ZNF141: variants seen among roughly 807,000 people sequenced by gnomAD.
ZNF141 encodes the protein zinc finger protein 141.
ZNF141 carries 7 observed loss-of-function variants against 11.3 expected under a neutral mutation model. That is an observed-to-expected ratio of 0.62 (90% CI 0.35 to 1.16). The LOEUF (loss-of-function observed/expected upper bound fraction) is 1.16, where lower values mean the gene tolerates loss of function less well. Ranked by LOEUF, ZNF141 falls within the 50% of genes most tolerant of loss-of-function variation. ZNF141 has a pLI of 0.02. For missense variants in ZNF141, 535 were observed against 554.0 expected (o/e 0.97, Z 0.34); for synonymous variants, 183 against 190.7 (o/e 0.96, Z 0.33).
rs782770713 is a variant in ZNF141, at chr4:373,074, A to G, written c.637A>G (p.Ile213Val). The change falls in exon 4 of 4, where the codon ATA (isoleucine) becomes GTA (valine). Residue 213 changes from isoleucine (I) to valine (V), a missense_variant. Physicochemically the swap from Ile to Val is conservative, Grantham distance 29 (BLOSUM62 3). Coordinates refer to ENST00000240499, the MANE Select transcript of ZNF141 (RefSeq NM_003441.4). Reference protein sequence around the residue: ...ECGKAFKWSLIFNEHKRIHTG... With the variant: ...ECGKAFKWSLVFNEHKRIHTG... ...TGGCAAAGCCTTTAAATGGTCTTTA[A>G]TATTTAATGAACATAAGAGAATTCA... is the stretch of plus-strand genomic sequence containing the variant. 1.7e-5 allele frequency: 27 copies of G among 1,613,724 alleles called. No homozygotes were observed. In the South Asian group the frequency reaches 2.7e-4, roughly 16 times the overall value.
At position 383,984 on chromosome 4, in the gene ZNF141, T is replaced by C. The variant is rs1712792684; in HGVS notation, c.*10122T>C. ...CTTGCTTTTGCTATTCCCTTCCTGT[T>C]TTTCATTCCTTTGTGTGCTTTGTTC... On this transcript the variant is annotated 3_prime_UTR_variant, in exon 4 of 4. Coordinates refer to ENST00000240499, the MANE Select transcript of ZNF141 (RefSeq NM_003441.4). 1 of 152,294 alleles carries C rather than the reference T, an allele frequency of 6.6e-6. No individual in the cohort carries two copies. Among genetic ancestry groups the C allele is most frequent in the African/African-American group, 2.4e-5 (1 of 41,458 alleles). 9.4% of individuals were successfully genotyped at this position (152,294 alleles called of 1,614,324 possible).
At chr4:361,920 A>G (rs1474481090) in intron 3 of ZNF141, among the ~76,000 whole-genome samples, 2 of 152,170 alleles carry the variant, frequency 1.3e-5, no homozygotes, top group Non-Finnish European at 2.9e-5. Context: ...GTCAAATGGT[A>G]TTTCTAGTTC....
chr4:372,673 C>G lies in ZNF141; in HGVS notation c.236C>G (p.Ser79Cys), dbSNP rs781893905. Residue 79 changes from serine (S) to cysteine (C), a missense_variant, in exon 4 of 4, where the codon TCT becomes TGT. Ser to Cys is a moderately radical substitution (Grantham distance 112). Transcript: ENST00000240499. ...TTTTTATTTCTTTCAGCTATGTGTT[C>G]TCATTTCACCCAAGACCATTGGCCA... Reference protein sequence around the residue: ...KIVARPPAMCSHFTQDHWPVQ... With the variant: ...KIVARPPAMCCHFTQDHWPVQ... The G allele has an allele frequency of 2.6e-6, 4 of 1,516,134 alleles. No homozygotes were observed. Among genetic ancestry groups the G allele is most frequent in the Non-Finnish European group, 3.5e-6 (4 of 1,130,842 alleles). The allele number at this position is 1,516,134 out of a possible 1,614,324, so 93.9% of individuals were successfully genotyped here.
At chr4:356,204 C>T (rs1281326688) in intron 3 of ZNF141, among the ~76,000 whole-genome samples, 2 of 148,542 alleles carry the variant, frequency 1.3e-5, no homozygotes, top group South Asian at 2.2e-4. Flanking sequence ...GCACTCCAGC[C>T]TGGGTGACAC....
chr4:350,824 C>G (rs1553850330), intron 3 of ZNF141, among the ~76,000 whole-genome samples: 1 of 152,040 alleles, frequency 6.6e-6, no homozygotes, highest in Non-Finnish European at 1.5e-5. Context: ...ACCGCAAGCT[C>G]CACCTCACGG....
intron 3 of ZNF141, chr4:358,201 T>A (rs1430622066): frequency 2.4e-6 from 1 of 408,664 alleles, no homozygotes; most frequent in African/African-American, 2.2e-5. Flanking sequence ...TTTTTTTTTT[T>A]TTAAAGATGG....
At position 379,541 on chromosome 4, in the gene ZNF141, A is replaced by G. The variant is rs1712523298; in HGVS notation, c.*5679A>G. 6.6e-6 allele frequency among the ~76,000 whole-genome samples: 1 copy of G among 151,926 alleles called. No homozygotes were observed. The highest frequency in any genetic ancestry group is 1.5e-5 in the Non-Finnish European group (1 of 67,986). On this transcript the variant is annotated 3_prime_UTR_variant, in exon 4 of 4. Transcript: ENST00000240499. ...AGGTGTGCACCACCATGCCTGGCTA[A>G]TTTTTATATTGTTAGTAGAGATGCG...
chr4:373,468 G>A lies in ZNF141; in HGVS notation c.1031G>A (p.Cys344Tyr), dbSNP rs781857740. The change falls in exon 4 of 4, where the codon TGT becomes TAT. Residue 344 changes from cysteine to tyrosine, a missense_variant. By Grantham distance (194) the Cys-to-Tyr change is radical (BLOSUM62 -2). Coordinates refer to ENST00000240499, the MANE Select transcript of ZNF141 (RefSeq NM_003441.4). Reference sequence around the variant, plus strand: ...GAGAAACCCTACACATGTGAAGAATGTGGCAAAGCTTTTAGACAGTCCTCA... The same window carrying A: ...GAGAAACCCTACACATGTGAAGAATATGGCAAAGCTTTTAGACAGTCCTCA... ...TGEKPYTCEE[C>Y]GKAFRQSSKL... The A allele has an allele frequency of 2.5e-6, 4 of 1,614,126 alleles. No homozygotes were observed. In the Admixed American group the frequency reaches 6.7e-5, roughly 27 times the overall value.
chr4:382,106 C>T lies in ZNF141; in HGVS notation c.*8244C>T, dbSNP rs772181325. On this transcript the variant is annotated 3_prime_UTR_variant, in exon 4 of 4. Coordinates refer to ENST00000240499, the MANE Select transcript of ZNF141 (RefSeq NM_003441.4). ...GACTACAGGCACCTGCTACCATGCCCGGCTAATTTTTTTGTATTTTTAGTA... is the reference window on the plus strand; with the variant it reads ...GACTACAGGCACCTGCTACCATGCCTGGCTAATTTTTTTGTATTTTTAGTA... Among the ~76,000 whole-genome samples the T allele has an allele frequency of 7.9e-5, 12 of 151,860 alleles. No homozygotes were observed. The highest frequency in any genetic ancestry group is 1.6e-4 in the Non-Finnish European group (11 of 67,998).
chr4:380,136 T>C lies in ZNF141; in HGVS notation c.*6274T>C, dbSNP rs1417514495. On this transcript the variant is annotated 3_prime_UTR_variant, in exon 4 of 4. Transcript: ENST00000240499. ...CTTAGCATAGTGTCTTCCACATTTATCCACATTGTTTCAAATGAAAAGATT... is the reference window on the plus strand; with the variant it reads ...CTTAGCATAGTGTCTTCCACATTTACCCACATTGTTTCAAATGAAAAGATT... Among the ~76,000 whole-genome samples the C allele has an allele frequency of 6.6e-5, 10 of 152,224 alleles. No homozygotes were observed. Among genetic ancestry groups the C allele is most frequent in the African/African-American group, 2.2e-4 (9 of 41,456 alleles).
intron 3 of ZNF141, among the ~76,000 whole-genome samples, chr4:357,411 T>A (rs1721893243): frequency 6.7e-6 from 1 of 149,208 alleles, no homozygotes; most frequent in African/African-American, 2.5e-5. Flanking sequence ...AGAGTGAGAC[T>A]CTGTCTCAAA....
In ZNF141 at chr4:382,407, C is replaced by T. The variant is rs775532518; in HGVS notation, c.*8545C>T. The stretch of plus-strand genomic sequence containing the variant: ...GCAGCCCTATTGCTATGTCACTTGC[C>T]TGCAGAGCAAAAGTTGATTCAGGAA... On this transcript the variant is annotated 3_prime_UTR_variant, in exon 4 of 4. Coordinates refer to ENST00000240499, the MANE Select transcript of ZNF141 (RefSeq NM_003441.4). 1.3e-5 allele frequency among the ~76,000 whole-genome samples: 2 copies of T among 152,152 alleles called. No individual in the cohort carries two copies. Among genetic ancestry groups the T allele is most frequent in the African/African-American group, 2.4e-5 (1 of 41,412 alleles).
chr4:381,400 C>CTTTTTTTTTTTTTTTT lies in ZNF141; in HGVS notation c.*7549_*7564dup, dbSNP rs34721227. ...CTATTTAATACAGACTTCAAATGTG[C>CTTTTTTTTTTTTTTTT]TTTTTTTTTTTTTTTTTTTTTTTTT... On this transcript the variant is annotated 3_prime_UTR_variant, in exon 4 of 4. Coordinates refer to ENST00000240499, the MANE Select transcript of ZNF141 (RefSeq NM_003441.4). Among the ~76,000 whole-genome samples the CTTTTTTTTTTTTTTTT allele has an allele frequency of 1.3e-5, 1 of 76,946 alleles. No individual in the cohort carries two copies. The highest frequency in any genetic ancestry group is 6.1e-5 in the African/African-American group (1 of 16,448). 50.5% of individuals were successfully genotyped at this position (76,946 alleles called of 152,430 possible). A position where few individuals can be genotyped will look rare whatever the true frequency, so the allele number is the denominator to read the frequency against.
In ZNF141 at chr4:375,263, T is replaced by C. The variant is rs1056681618; in HGVS notation, c.*1401T>C. 3 of 152,166 alleles carry C rather than the reference T, an allele frequency of 2.0e-5. No homozygotes were observed. Among genetic ancestry groups the C allele is most frequent in the South Asian group, 2.1e-4 (1 of 4,826 alleles). The allele number at this position is 152,166 out of a possible 1,614,324, so 9.4% of individuals were successfully genotyped here. A position where few individuals can be genotyped will look rare whatever the true frequency, so the allele number is the denominator to read the frequency against. On this transcript the variant is annotated 3_prime_UTR_variant, in exon 4 of 4. Transcript: ENST00000240499. Reference sequence around the variant, plus strand: ...ATTCTTAAGACAAACAATACAAATATAAAGAGGGTTGTAGTACCTGTACTT... The same window carrying C: ...ATTCTTAAGACAAACAATACAAATACAAAGAGGGTTGTAGTACCTGTACTT...
chr4:348,741 A>C (rs868959057), intron 3 of ZNF141, among the ~76,000 whole-genome samples: 6 of 152,178 alleles, frequency 3.9e-5, no homozygotes, highest in Non-Finnish European at 4.4e-5. Flanking sequence ...AAAAAAAAAA[A>C]AAACAAGTAT....
rs189622736 is a variant in ZNF141, at chr4:376,101, T to C, written c.*2239T>C. ...ACATAATTTTTTAACTAAACAAAAT[T>C]TTTAACGTGTTGAAATAATTGTTGC... On this transcript the variant is annotated 3_prime_UTR_variant, in exon 4 of 4. Transcript: ENST00000240499. Among the ~76,000 whole-genome samples the C allele has an allele frequency of 6.6e-6, 1 of 152,200 alleles. No homozygotes were observed. Among genetic ancestry groups the C allele is most frequent in the East Asian group, 1.9e-4 (1 of 5,194 alleles).
intron 3 of ZNF141, among the ~76,000 whole-genome samples, chr4:363,549 G>A (rs1035360620): frequency 1.3e-5 from 2 of 152,122 alleles, no homozygotes; most frequent in Non-Finnish European, 2.9e-5. Context: ...GAGGTCAGGA[G>A]ATGGAGACCA....
In ZNF141 at chr4:382,731, G is replaced by A. The variant is rs782114333; in HGVS notation, c.*8869G>A. ...AAAAAATCTTGCTCCTATTTCAGAA[G>A]TGTCACTCCAGCCCCTTGAAGGTCC... On this transcript the variant is annotated 3_prime_UTR_variant, in exon 4 of 4. Transcript: ENST00000240499. The A allele has an allele frequency of 3.2e-5, 5 of 157,034 alleles. No individual in the cohort carries two copies. Among genetic ancestry groups the A allele is most frequent in the Non-Finnish European group, 5.6e-5 (4 of 71,398 alleles). 9.7% of individuals were successfully genotyped at this position (157,034 alleles called of 1,614,324 possible).
chr4:349,082 A>T (rs782065310), intron 3 of ZNF141, among the ~76,000 whole-genome samples: 17 of 151,954 alleles, frequency 1.1e-4, no homozygotes, highest in Admixed American at 3.9e-4. Context: ...ACTATTGCAA[A>T]TGGAAATGGT....
Sources: gnomAD v4.1 joint callset for allele counts (sites outside exome capture counted in the v4.1 genomes callset) on GRCh38, gnomAD v4.1.1 for gene constraint, MANE v1.5 for transcripts, NCBI Gene and HGNC (gene_info 2026-07-23, HGNC 2026-07-21) for gene names.